CFAP54: variants seen among roughly 807,000 people sequenced by gnomAD.
The protein encoded by CFAP54 is cilia and flagella associated protein 54.
In CFAP54, 290 loss-of-function variants were observed where a neutral mutation model predicts 370.4. The ratio of observed to expected loss-of-function variants is 0.78; its 90% CI spans 0.71 to 0.86. The LOEUF (loss-of-function observed/expected upper bound fraction) is 0.86. Among genes scored for constraint, CFAP54 ranks in the 40% least tolerant of loss-of-function variants. The pLI is 0.00. For missense variants in CFAP54, 3,399 were observed against 3,528.7 expected, an observed-to-expected ratio of 0.96 and a Z score of 0.93; for synonymous variants, 1,206 against 1,236.5, an observed-to-expected ratio of 0.98 and a Z score of 0.52.
chr12:96,854,798 C>CT (rs972629836), intron 66 of CFAP54, among the ~76,000 whole-genome samples: 21 of 151,902 alleles, frequency 1.4e-4, no homozygotes, highest in African/African-American at 4.6e-4. Context: ...ATTATAATGT[C>CT]TTTTTTTTAA....
chr12:96,805,131 A>T (rs915324207), intron 63 of CFAP54, among the ~76,000 whole-genome samples: 33 of 152,234 alleles, frequency 2.2e-4, no homozygotes, highest in African/African-American at 6.5e-4. Context: ...TGAAATTATT[A>T]AAAAAATCCA....
intron 9 of CFAP54, among the ~76,000 whole-genome samples, chr12:96,533,206 T>A (rs999427291): frequency 6.6e-6 from 1 of 152,118 alleles, no homozygotes; most frequent in Non-Finnish European, 1.5e-5. Context: ...GCTCAAGTTA[T>A]CATCCTGCTT....
At chr12:96,505,652 A>G (rs1955091665) in intron 3 of CFAP54, among the ~76,000 whole-genome samples, 4 of 151,668 alleles carry the variant, frequency 2.6e-5, no homozygotes, top group Admixed American at 2.0e-4. Context: ...ACAGGTGCGC[A>G]CCATCATGCC....
chr12:96,654,365 G>T (rs112800934), intron 36 of CFAP54, among the ~76,000 whole-genome samples: 14,824 of 151,590 alleles, frequency 0.098, 899 homozygotes, highest in Middle Eastern at 0.16. Flanking sequence ...GCCGGGCGTA[G>T]TGGCGGGCGC....
chr12:96,649,387 A>T (rs1956833363), intron 34 of CFAP54, among the ~76,000 whole-genome samples: 1 of 152,114 alleles, frequency 6.6e-6, no homozygotes, highest in South Asian at 2.1e-4. Context: ...ATATTTTGCT[A>T]CCGAGACTTA....
Position 96,740,134 on chromosome 12 carries a change from A to G in CFAP54, c.7071+73A>G, listed in dbSNP as rs185524859. The G allele has an allele frequency of 5.8e-6, 5 of 862,324 alleles. No individual in the cohort carries two copies. The East Asian group carries it at 1.3e-4, about 22-fold the overall frequency. The allele number at this position is 862,324 out of a possible 1,614,324, so 53.4% of individuals were successfully genotyped here. ...CTATTGGCATGCTAGGATATTGTCTAATTATTTAGATGAAGCAAAGGAGTA... is the reference window on the plus strand; with the variant it reads ...CTATTGGCATGCTAGGATATTGTCTGATTATTTAGATGAAGCAAAGGAGTA... On this transcript the variant is annotated intron_variant, in intron 51 of 67. Transcript: ENST00000524981.
chr12:96,801,147 G>C (rs750258903), intron 63 of CFAP54, among the ~76,000 whole-genome samples: 1 of 152,324 alleles, frequency 6.6e-6, no homozygotes, highest in African/African-American at 2.4e-5. Context: ...AGGAACTAGG[G>C]ATGCTGGTGG....
At chr12:96,792,274 A>T in intron 62 of CFAP54, 55 bp from the exon 63 acceptor site, 1 of 1,378,562 alleles carries the variant, frequency 7.3e-7, no homozygotes, top group Non-Finnish European at 9.6e-7. Context: ...TTTGTTTCAT[A>T]TATGTAACAA....
In CFAP54 at chr12:96,685,136, G is replaced by A. The variant is rs1957312802; in HGVS notation, c.5912G>A (p.Ser1971Asn). 6.2e-7 allele frequency: 1 copy of A among 1,614,128 alleles called. No homozygotes were observed. The highest frequency in any genetic ancestry group is 8.5e-7 in the Non-Finnish European group (1 of 1,179,992). ...CCCTCACTCACCAATGTCACCAACAGTCATTCACCTCCGGGTTTCAAAGAC... is the reference window on the plus strand; with the variant it reads ...CCCTCACTCACCAATGTCACCAACAATCATTCACCTCCGGGTTTCAAAGAC... ...FGPSLTNVTNSHSPPGFKDYS... is the reference protein window; with the variant it reads ...FGPSLTNVTNNHSPPGFKDYS... The change falls in exon 42 of 68, where the codon AGT becomes AAT. Residue 1971 changes from serine (S) to asparagine (N), a missense_variant. By Grantham distance (46) the Ser-to-Asn change is conservative. Transcript: ENST00000524981.
At chr12:96,800,999 G>A (rs555974630) in intron 63 of CFAP54, among the ~76,000 whole-genome samples, 91 of 152,308 alleles carry the variant, frequency 6.0e-4, no homozygotes, top group Non-Finnish European at 1.1e-3. Flanking sequence ...GGATGGTAAT[G>A]AAAATTAATA....
intron 60 of CFAP54, among the ~76,000 whole-genome samples, chr12:96,769,683 T>C (rs1958438729): frequency 6.6e-6 from 1 of 152,212 alleles, no homozygotes; most frequent in Non-Finnish European, 1.5e-5. Context: ...TAGACAGTAG[T>C]GGCTCAGAGC....
chr12:96,648,786 C>T (rs1177790428), intron 34 of CFAP54, among the ~76,000 whole-genome samples: 1 of 151,872 alleles, frequency 6.6e-6, no homozygotes, highest in Non-Finnish European at 1.5e-5. Flanking sequence ...GACGGGGTTT[C>T]ACTATGTTGG....
chr12:96,622,995 C>T (rs1956516368), intron 27 of CFAP54, among the ~76,000 whole-genome samples: 1 of 151,946 alleles, frequency 6.6e-6, no homozygotes, highest in African/African-American at 2.4e-5. Flanking sequence ...GTCTATCAGC[C>T]CCTTTATGTC....
intron 60 of CFAP54, among the ~76,000 whole-genome samples, chr12:96,778,848 C>G (rs1391572499): frequency 1.3e-5 from 2 of 151,964 alleles, no homozygotes; most frequent in Non-Finnish European, 2.9e-5. Flanking sequence ...TGGCTCATGC[C>G]TATAATCCCA....
At chr12:96,597,439 C>G (rs1480427740) in intron 25 of CFAP54, among the ~76,000 whole-genome samples, 1 of 151,624 alleles carries the variant, frequency 6.6e-6, no homozygotes, top group Non-Finnish European at 1.5e-5. Flanking sequence ...TCATAGTTGG[C>G]AACTGAGCAT....
chr12:96,618,833 C>G (rs541017834), intron 26 of CFAP54, among the ~76,000 whole-genome samples: 1 of 152,272 alleles, frequency 6.6e-6, no homozygotes, highest in Non-Finnish European at 1.5e-5. Flanking sequence ...CCTTCTTCTC[C>G]CATTTGGGGA....
chr12:96,535,484 T>G (rs1955492222), intron 11 of CFAP54, 31 bp from the exon 12 acceptor site: 1 of 1,376,874 alleles, frequency 7.3e-7, no homozygotes. Context: ...GTGATTTTTT[T>G]GTTTCATTTT....
chr12:96,767,463 A>G (rs1958412381), intron 60 of CFAP54, among the ~76,000 whole-genome samples: 1 of 152,094 alleles, frequency 6.6e-6, no homozygotes, highest in South Asian at 2.1e-4. Flanking sequence ...AGCATATTAC[A>G]TTTTTTCAGT....
At chr12:96,638,892 C>T (rs1219452748) in intron 32 of CFAP54, among the ~76,000 whole-genome samples, 1 of 152,180 alleles carries the variant, frequency 6.6e-6, no homozygotes, top group Non-Finnish European at 1.5e-5. Flanking sequence ...ACGTTTTCAA[C>T]ATTTTAGCAT....
Sources: gnomAD v4.1 joint callset for allele counts (sites outside exome capture counted in the v4.1 genomes callset) on GRCh38, gnomAD v4.1.1 for gene constraint, MANE v1.5 for transcripts, NCBI Gene and HGNC (gene_info 2026-07-23, HGNC 2026-07-21) for gene names.